Variants in PTPRM observed in about 807,000 individuals in gnomAD.
The protein encoded by PTPRM is protein tyrosine phosphatase receptor type M.
PTPRM carries 47 observed loss-of-function variants against 186.7 expected under a neutral mutation model. The ratio of observed to expected loss-of-function variants is 0.25; its 90% CI spans 0.20 to 0.32. The LOEUF is 0.32. Ranked by LOEUF, PTPRM falls within the 10% of genes least tolerant of loss-of-function variation. PTPRM has a pLI of 1.00. For synonymous variants in PTPRM, 668 were observed against 674.9 expected (o/e 0.99, Z 0.16); for missense variants, 1,494 against 1,865.0 (o/e 0.80, Z 3.66).
intron 23 of PTPRM, among the ~76,000 whole-genome samples, chr18:8,349,615 G>A (rs2095523695): frequency 6.6e-6 from 1 of 152,094 alleles, no homozygotes; most frequent in South Asian, 2.1e-4. Flanking sequence ...ACTGCTCATT[G>A]GCCATCTCTA....
intron 14 of PTPRM, among the ~76,000 whole-genome samples, chr18:8,230,035 C>T (rs565190974): frequency 2.0e-5 from 3 of 152,264 alleles, no homozygotes; most frequent in South Asian, 4.1e-4. Context: ...AACCCATACC[C>T]GTTTCTCACT....
intron 19 of PTPRM, among the ~76,000 whole-genome samples, chr18:8,269,011 G>C (rs2094737171): frequency 6.6e-6 from 1 of 151,922 alleles, no homozygotes; most frequent in Admixed American, 6.6e-5. Flanking sequence ...ACAAGACAAA[G>C]GTGCCCACTC....
Position 8,147,179 on chromosome 18 carries a change from A to G in PTPRM, c.2300+3400A>G, listed in dbSNP as rs908160215. Reference sequence around the variant, plus strand: ...AGTTAAAGTAGTTTTTTCCAATTCTATGAAGAACGTCAATGGTAGCTTGAT... The same window carrying G: ...AGTTAAAGTAGTTTTTTCCAATTCTGTGAAGAACGTCAATGGTAGCTTGAT... On this transcript the variant is annotated intron_variant, in intron 14 of 32. Coordinates refer to ENST00000580170, the MANE Select transcript of PTPRM (RefSeq NM_001105244.2). Among the ~76,000 whole-genome samples, 5 of 152,234 alleles carry G rather than the reference A, an allele frequency of 3.3e-5. No homozygotes were observed. The South Asian group carries it at 6.2e-4, about 19-fold the overall frequency.
chr18:8,335,956 A>C (rs1027331652), intron 22 of PTPRM, among the ~76,000 whole-genome samples: 1 of 152,196 alleles, frequency 6.6e-6, no homozygotes, highest in Non-Finnish European at 1.5e-5. Flanking sequence ...CAGAAGCCAG[A>C]GGTTACAGTG....
At chr18:8,175,053 A>G (rs1280829808) in intron 14 of PTPRM, among the ~76,000 whole-genome samples, 1 of 152,168 alleles carries the variant, frequency 6.6e-6, no homozygotes, top group Non-Finnish European at 1.5e-5. Context: ...GTCTGTTCCA[A>G]CTGGTTTGCT....
At chr18:8,035,691 C>T (rs1376943408) in intron 7 of PTPRM, among the ~76,000 whole-genome samples, 1 of 151,816 alleles carries the variant, frequency 6.6e-6, no homozygotes, top group Non-Finnish European at 1.5e-5. Context: ...GTTACGTGTT[C>T]TCTCCACAAA....
chr18:8,237,450 TTTTTTTTTTTTTC>T (rs370794512), intron 14 of PTPRM, among the ~76,000 whole-genome samples: 26,099 of 133,890 alleles, frequency 0.19, 2,344 homozygotes, highest in African/African-American at 0.25. Context: ...TTTTTTTTTT[TTTTTTTTTTTTTC>T]CTGAGACAGA....
chr18:7,603,171 G>A (rs2037449740), intron 1 of PTPRM, among the ~76,000 whole-genome samples: 1 of 152,010 alleles, frequency 6.6e-6, no homozygotes, highest in South Asian at 2.1e-4. Flanking sequence ...CTCGTGATCT[G>A]CCTGCCTTGG....
intron 1 of PTPRM, among the ~76,000 whole-genome samples, chr18:7,749,739 G>A (rs1185792974): frequency 1.3e-5 from 2 of 152,196 alleles, no homozygotes; most frequent in Non-Finnish European, 2.9e-5. Flanking sequence ...CTACTGCCTT[G>A]TGGTTTATAA....
At chr18:8,291,407 T>C (rs1307784759) in intron 19 of PTPRM, among the ~76,000 whole-genome samples, 1 of 152,212 alleles carries the variant, frequency 6.6e-6, no homozygotes, top group Non-Finnish European at 1.5e-5. Context: ...ACAAAGTTCT[T>C]TTCTGTCGCA....
intron 14 of PTPRM, among the ~76,000 whole-genome samples, chr18:8,203,168 T>G (rs926125380): frequency 6.6e-6 from 1 of 152,212 alleles, no homozygotes; most frequent in African/African-American, 2.4e-5. Flanking sequence ...TCTGATTCAG[T>G]TATATGGAGC....
chr18:7,949,267 C>T lies in PTPRM; in HGVS notation c.750C>T (p.Thr250=). ...TTGCTTCATTTAATGTTGTGAATAC[C>T]ACCAAACGAGATGCTGGAAAGTACC... The part of the protein sequence containing the change: ...RFIASFNVVN[T]TKRDAGKYRC... Residue 250 remains threonine, a synonymous_variant, in exon 6 of 33, where the codon ACC becomes ACT. Transcript: ENST00000580170. 6.2e-7 allele frequency: 1 copy of T among 1,613,738 alleles called. No homozygotes were observed. Among genetic ancestry groups the T allele is most frequent in the South Asian group, 1.1e-5 (1 of 91,064 alleles).
chr18:8,250,812 A>G (rs2094521516), intron 17 of PTPRM, among the ~76,000 whole-genome samples: 1 of 152,040 alleles, frequency 6.6e-6, no homozygotes, highest in Non-Finnish European at 1.5e-5. Context: ...AGTAGAAAAA[A>G]AAATTGTTGA....
chr18:8,048,314 A>G (rs2087214544), intron 7 of PTPRM, among the ~76,000 whole-genome samples: 1 of 152,176 alleles, frequency 6.6e-6, no homozygotes, highest in African/African-American at 2.4e-5. Context: ...TATTTGTAAC[A>G]GAAATAATTT....
intron 1 of PTPRM, among the ~76,000 whole-genome samples, chr18:7,611,451 A>G (rs540059729): frequency 6.6e-6 from 1 of 152,262 alleles, no homozygotes; most frequent in East Asian, 1.9e-4. Context: ...TATCTTCTGT[A>G]CCATATTTTT....
chr18:8,291,771 A>T (rs1164483356), intron 19 of PTPRM, among the ~76,000 whole-genome samples: 1 of 152,090 alleles, frequency 6.6e-6, no homozygotes, highest in Non-Finnish European at 1.5e-5. Flanking sequence ...GTAAAGTTAC[A>T]CATAACCCAA....
chr18:8,010,403 A>G (rs1185567200), intron 7 of PTPRM, among the ~76,000 whole-genome samples: 1 of 152,120 alleles, frequency 6.6e-6, no homozygotes, highest in Non-Finnish European at 1.5e-5. Context: ...TTCTGTACCC[A>G]TCAGTATGGT....
intron 5 of PTPRM, among the ~76,000 whole-genome samples, chr18:7,931,402 A>T (rs547074629): frequency 6.6e-6 from 1 of 152,292 alleles, no homozygotes; most frequent in East Asian, 1.9e-4. Flanking sequence ...GTACACTTTT[A>T]TACTTTTGAA....
intron 7 of PTPRM, among the ~76,000 whole-genome samples, chr18:7,988,589 A>G (rs1438488525): frequency 6.6e-6 from 1 of 152,144 alleles, no homozygotes; most frequent in Non-Finnish European, 1.5e-5. Context: ...CTAGTCCCAG[A>G]CAACTTTTAT....
Sources: gnomAD v4.1 joint callset for allele counts (sites outside exome capture counted in the v4.1 genomes callset) on GRCh38, gnomAD v4.1.1 for gene constraint, MANE v1.5 for transcripts, NCBI Gene and HGNC (gene_info 2026-07-23, HGNC 2026-07-21) for gene names.